The following SSPN variants were observed in gnomAD, a reference collection of about 807,000 sequenced individuals.
SSPN encodes the protein K-ras oncogene-associated protein.
SSPN carries 15 observed loss-of-function variants against 19.1 expected under a neutral mutation model. The observed-to-expected ratio is 0.78, with a 90% CI of 0.52 to 1.21. The LOEUF is 1.21. Among genes scored for constraint, SSPN ranks in the 50% most tolerant of loss-of-function variants. SSPN has a pLI of 0.00. For synonymous variants in SSPN, 147 were observed against 140.3 expected (o/e 1.05, Z -0.34); for missense variants, 291 against 314.0 (o/e 0.93, Z 0.55).
Position 26,233,327 on chromosome 12 carries a change from A to C in SSPN, c.*2251A>C. 1 of 90,826 alleles carries C rather than the reference A, an allele frequency of 1.1e-5. No homozygotes were observed. Among genetic ancestry groups the C allele is most frequent in the African/African-American group, 7.1e-5 (1 of 14,160 alleles). The allele number at this position is 90,826 out of a possible 1,614,324, so 5.6% of individuals were successfully genotyped here. On this transcript the variant is annotated 3_prime_UTR_variant, in exon 3 of 3. Coordinates refer to ENST00000242729, the MANE Select transcript of SSPN (RefSeq NM_005086.5). The surrounding 1 kb of genome is among the most constrained non-coding windows in gnomAD (Gnocchi z 4.3). Reference sequence around the variant, plus strand: ...TAAGCTTTATAATAGTATAACCGTCAGGAGATATATATATATATATATACA... The same window carrying C: ...TAAGCTTTATAATAGTATAACCGTCCGGAGATATATATATATATATATACA...
chr12:26,187,186 A>AG (rs1944759406), intron 1 of SSPN, among the ~76,000 whole-genome samples: 1 of 152,210 alleles, frequency 6.6e-6, no homozygotes, highest in African/African-American at 2.4e-5. Flanking sequence ...CCTTAACCCC[A>AG]GGGCAGAGAT....
intron 1 of SSPN, among the ~76,000 whole-genome samples, chr12:26,198,175 G>A (rs548884785): frequency 6.6e-5 from 10 of 151,530 alleles, no homozygotes; most frequent in Non-Finnish European, 1.2e-4. Context: ...TTGGGGGGGG[G>A]TTTTTGGAGA....
In SSPN at chr12:26,231,189, T is replaced by C. The variant is rs1268510153; in HGVS notation, c.*113T>C. ...AAAAATTGACAATAAAAGTCACTCT[T>C]CTAATTGAATATTTTTATATTTTTA... is the stretch of plus-strand genomic sequence containing the variant. On this transcript the variant is annotated 3_prime_UTR_variant, in exon 3 of 3. Transcript: ENST00000242729. 3 of 1,308,142 alleles carry C rather than the reference T, an allele frequency of 2.3e-6. No individual in the cohort carries two copies. In the African/African-American group the frequency reaches 4.5e-5, roughly 19 times the overall value. The allele number at this position is 1,308,142 out of a possible 1,614,324, so 81.0% of individuals were successfully genotyped here. A position where few individuals can be genotyped will look rare whatever the true frequency, so the allele number is the denominator to read the frequency against.
At chr12:26,215,451 T>G (rs931882296) in intron 1 of SSPN, among the ~76,000 whole-genome samples, 1 of 151,914 alleles carries the variant, frequency 6.6e-6, no homozygotes, top group Non-Finnish European at 1.5e-5. Flanking sequence ...AGAAATGGGG[T>G]GGAGGTGCAG....
chr12:26,231,124 G>T lies in SSPN; in HGVS notation c.*48G>T. 6.7e-7 allele frequency: 1 copy of T among 1,487,520 alleles called. No homozygotes were observed. Among genetic ancestry groups the T allele is most frequent in the Admixed American group, 2.4e-5 (1 of 42,020 alleles). The allele number at this position is 1,487,520 out of a possible 1,614,324, so 92.1% of individuals were successfully genotyped here. A position where few individuals can be genotyped will look rare whatever the true frequency, so the allele number is the denominator to read the frequency against. The stretch of plus-strand genomic sequence containing the variant: ...AGAAAGTAGCACATGGAGTAGCTGA[G>T]GTTAAACAAACAAAAAAAAATTTTA... On this transcript the variant is annotated 3_prime_UTR_variant, in exon 3 of 3. Transcript: ENST00000242729.
chr12:26,191,501 T>C (rs1339949576), upstream of SSPN, among the ~76,000 whole-genome samples: 1 of 152,166 alleles, frequency 6.6e-6, no homozygotes, highest in African/African-American at 2.4e-5. Flanking sequence ...AAGCCCTTTG[T>C]TGACCATAAA....
At chr12:26,155,343 C>T (rs1435567830) in intron 1 of SSPN, among the ~76,000 whole-genome samples, 6 of 152,106 alleles carry the variant, frequency 3.9e-5, no homozygotes, top group Middle Eastern at 6.8e-3. Flanking sequence ...AAAGGAGGGC[C>T]GCAGATGACA....
chr12:26,230,654 C>T, intron 2 of SSPN, 57 bp from the exon 3 acceptor site: 2 of 1,526,190 alleles, frequency 1.3e-6, no homozygotes, highest in East Asian at 2.3e-5. Flanking sequence ...ATTCGCTTTG[C>T]AAATCATCAT....
At chr12:26,122,225 G>T (rs1165412801) in intron 1 of SSPN, 3 of 1,297,510 alleles carry the variant, frequency 2.3e-6, no homozygotes, top group Admixed American at 4.2e-5. Flanking sequence ...GGAGGGTCGC[G>T]GCGGCGGCGC....
chr12:26,151,591 C>T (rs557447134), intron 1 of SSPN, among the ~76,000 whole-genome samples: 5 of 152,156 alleles, frequency 3.3e-5, no homozygotes, highest in Non-Finnish European at 5.9e-5. Flanking sequence ...GGGAGTAAAT[C>T]AGTGAACAAA....
intron 1 of SSPN, among the ~76,000 whole-genome samples, chr12:26,220,534 A>C (rs751243063): frequency 7.9e-5 from 12 of 152,322 alleles, no homozygotes; most frequent in Non-Finnish European, 1.6e-4. Flanking sequence ...TGGGTAACTA[A>C]CTAACATAAC....
At position 26,127,319 on chromosome 12, in the gene SSPN, G is replaced by A. The variant is rs564949545; in HGVS notation, c.-31+5167G>A. 3.9e-5 allele frequency among the ~76,000 whole-genome samples: 6 copies of A among 152,320 alleles called. No individual in the cohort carries two copies. The South Asian group carries it at 6.2e-4, about 16-fold the overall frequency. On this transcript the variant is annotated intron_variant, in intron 1 of 2. Coordinates refer to the SSPN transcript ENST00000538142. ...GATTAAATGCAAGTTGAAATAGGAGGAACACGATCAGGAGCCTTGAGGCTC... is the reference window on the plus strand; with the variant it reads ...GATTAAATGCAAGTTGAAATAGGAGAAACACGATCAGGAGCCTTGAGGCTC...
chr12:26,200,137 G>T (rs1254103501), intron 1 of SSPN, among the ~76,000 whole-genome samples: 3 of 152,074 alleles, frequency 2.0e-5, no homozygotes, highest in Admixed American at 2.0e-4. Context: ...ATGCTTTTTA[G>T]CTTCCCCCAC....
intron 1 of SSPN, among the ~76,000 whole-genome samples, chr12:26,203,108 C>A (rs1185933493): frequency 6.6e-5 from 10 of 152,112 alleles, no homozygotes; most frequent in African/African-American, 1.9e-4. Flanking sequence ...GGGGAACCAC[C>A]CCCATGATCA....
At chr12:26,153,705 T>C (rs997055171) in intron 1 of SSPN, among the ~76,000 whole-genome samples, 3 of 152,222 alleles carry the variant, frequency 2.0e-5, no homozygotes, top group African/African-American at 7.2e-5. Context: ...TGGTGGAACT[T>C]CTGGACTCTT....
At chr12:26,179,615 C>T (rs939997889) in intron 1 of SSPN, among the ~76,000 whole-genome samples, 2 of 152,176 alleles carry the variant, frequency 1.3e-5, no homozygotes, top group Admixed American at 1.3e-4. Context: ...TTCAGTTTTT[C>T]ACAACTGCAC....
At chr12:26,220,394 A>T (rs1369113778) in intron 1 of SSPN, among the ~76,000 whole-genome samples, 1 of 152,208 alleles carries the variant, frequency 6.6e-6, no homozygotes, top group Non-Finnish European at 1.5e-5. Context: ...AGCTTTCAAA[A>T]ATCTAAAAGG....
intron 1 of SSPN, among the ~76,000 whole-genome samples, chr12:26,182,153 G>A (rs934503612): frequency 2.6e-5 from 4 of 152,160 alleles, no homozygotes; most frequent in African/African-American, 9.7e-5. Context: ...TCCTCTACTC[G>A]TAGTAAGACC....
At position 26,125,356 on chromosome 12, in the gene SSPN, G is replaced by T. The variant is rs1944355383; in HGVS notation, c.-31+3204G>T. The T allele has an allele frequency of 1.3e-5, 3 of 225,144 alleles. No homozygotes were observed. In the South Asian group the frequency reaches 2.1e-4, roughly 16 times the overall value. The allele number at this position is 225,144 out of a possible 1,614,324, so 13.9% of individuals were successfully genotyped here. A position where few individuals can be genotyped will look rare whatever the true frequency, so the allele number is the denominator to read the frequency against. On this transcript the variant is annotated intron_variant, in intron 1 of 2. Coordinates refer to the SSPN transcript ENST00000538142. ...CTCCAAAATGCGACTCCCTGGGTTC[G>T]TCCGTTGTTACGGTGCAGGAATGTG...
Sources: allele counts gnomAD v4.1 joint callset (sites outside exome capture counted in the v4.1 genomes callset), GRCh38; gene constraint gnomAD v4.1.1; non-coding constraint Gnocchi (gnomAD v3.1); transcripts MANE v1.5; gene names NCBI Gene and HGNC (gene_info 2026-07-23, HGNC 2026-07-21).